The following RGS3 variants were observed in gnomAD, a reference collection of about 807,000 sequenced individuals.
RGS3 encodes the protein regulator of G protein signaling 3.
A neutral mutation model predicts 132.6 loss-of-function variants in RGS3; 80 were observed. The observed-to-expected ratio is 0.60, with a 90% CI of 0.50 to 0.73. RGS3 has a LOEUF of 0.73. Among genes scored for constraint, RGS3 ranks in the 30% least tolerant of loss-of-function variants. RGS3 has a pLI of 0.00. For missense variants in RGS3, 1,382 were observed against 1,530.8 expected, an observed-to-expected ratio of 0.90 and a Z score of 1.62; for synonymous variants, 598 against 620.6, an observed-to-expected ratio of 0.96 and a Z score of 0.54.
intron 19 of RGS3, among the ~76,000 whole-genome samples, chr9:113,546,911 C>T (rs1346405640): frequency 6.6e-6 from 1 of 152,162 alleles, no homozygotes; most frequent in African/African-American, 2.4e-5. Context: ...CACCGTGTGA[C>T]CTTGAGCAAA....
intron 7 of RGS3, among the ~76,000 whole-genome samples, chr9:113,492,502 GTGGCTCCT>G (rs1271891366): frequency 6.6e-6 from 1 of 152,190 alleles, no homozygotes; most frequent in Non-Finnish European, 1.5e-5. Flanking sequence ...CCTTAACGCT[GTGGCTCCT>G]TGCCCAGTGC....
At chr9:113,502,725 G>A (rs1830954803) in intron 10 of RGS3, among the ~76,000 whole-genome samples, 1 of 152,220 alleles carries the variant, frequency 6.6e-6, no homozygotes, top group Non-Finnish European at 1.5e-5. Flanking sequence ...GCAATTGTGG[G>A]CTGGACCTAG....
chr9:113,578,692 A>G (rs887054143), intron 19 of RGS3, among the ~76,000 whole-genome samples: 6 of 152,166 alleles, frequency 3.9e-5, no homozygotes, highest in African/African-American at 1.4e-4. Context: ...CCTGGAAGCT[A>G]GCATTGAGTC....
At chr9:113,448,686 G>A (rs545233679) in intron 1 of RGS3, among the ~76,000 whole-genome samples, 3 of 152,048 alleles carry the variant, frequency 2.0e-5, no homozygotes, top group African/African-American at 7.2e-5. Context: ...ATAAATATCC[G>A]GCACCTCACT....
rs147790178 is a variant in RGS3, at chr9:113,559,270, G to A, written c.2037+22352G>A. 7.9e-5 allele frequency among the ~76,000 whole-genome samples: 12 copies of A among 152,362 alleles called. No homozygotes were observed. The East Asian group carries it at 1.7e-3, about 22-fold the overall frequency. On this transcript the variant is annotated intron_variant, in intron 19 of 24. Transcript: ENST00000350696. ...GGAGCTGGCACAAGCACAGTGGGTCGAGGATTGCTCCCAAAAGCCCGAAGT... is the reference window on the plus strand; with the variant it reads ...GGAGCTGGCACAAGCACAGTGGGTCAAGGATTGCTCCCAAAAGCCCGAAGT...
chr9:113,556,074 C>T (rs942709601), intron 19 of RGS3, among the ~76,000 whole-genome samples: 6 of 152,144 alleles, frequency 3.9e-5, no homozygotes, highest in African/African-American at 7.2e-5. Context: ...CTAAGTGAAT[C>T]GTCCTTCTCT....
chr9:113,543,653 C>A (rs898513960), intron 19 of RGS3, among the ~76,000 whole-genome samples: 9 of 152,210 alleles, frequency 5.9e-5, no homozygotes, highest in African/African-American at 2.2e-4. Flanking sequence ...TCTGGGAAGG[C>A]AGCAAGCTCA....
At chr9:113,568,207 A>C (rs1411262790) in intron 19 of RGS3, among the ~76,000 whole-genome samples, 1 of 152,230 alleles carries the variant, frequency 6.6e-6, no homozygotes, top group Non-Finnish European at 1.5e-5. Context: ...TCTGTACTGC[A>C]CCAACTGGAT....
chr9:113,536,516 C>T, intron 18 of RGS3: 1 of 1,185,232 alleles, frequency 8.4e-7, no homozygotes, highest in Admixed American at 3.8e-5. Flanking sequence ...CGGCTCTGTC[C>T]TGCTCTCCAC....
At chr9:113,516,196 A>G (rs989506417) in intron 15 of RGS3, among the ~76,000 whole-genome samples, 1 of 152,190 alleles carries the variant, frequency 6.6e-6, no homozygotes, top group African/African-American at 2.4e-5. Context: ...ACTGTCCAGT[A>G]GGCACACTTT....
At chr9:113,551,320 C>A (rs1833330496) in intron 19 of RGS3, among the ~76,000 whole-genome samples, 1 of 152,202 alleles carries the variant, frequency 6.6e-6, no homozygotes, top group African/African-American at 2.4e-5. Flanking sequence ...CTTTTCATGG[C>A]TGAATAATAT....
At position 113,565,046 on chromosome 9, in the gene RGS3, C is replaced by G; in HGVS notation, c.2038-18404C>G. 2 of 1,130,522 alleles carry G rather than the reference C, an allele frequency of 1.8e-6. No homozygotes were observed. Among genetic ancestry groups the G allele is most frequent in the Non-Finnish European group, 2.2e-6 (2 of 911,144 alleles). 70.0% of individuals were successfully genotyped at this position (1,130,522 alleles called of 1,614,324 possible). On this transcript the variant is annotated intron_variant, in intron 19 of 24. Coordinates refer to ENST00000350696, the Ensembl canonical transcript of RGS3. The surrounding 1 kb of genome is among the most constrained non-coding windows in gnomAD (Gnocchi z 5.7). ...CAGGATGTGTGTGGGGTGGAGCCTG[C>G]TAGGGATCCCAGTGCCAGGGGGTGC...
intron 3 of RGS3, among the ~76,000 whole-genome samples, chr9:113,473,780 G>T (rs1276736334): frequency 6.6e-6 from 1 of 152,180 alleles, no homozygotes; most frequent in Non-Finnish European, 1.5e-5. Context: ...AGGAGTAAAA[G>T]AAATAAAAAG....
chr9:113,505,278 G>T, intron 10 of RGS3, 164 bp from the exon 9 acceptor site: 1 of 625,502 alleles, frequency 1.6e-6, no homozygotes, highest in Non-Finnish European at 2.9e-6. Flanking sequence ...CAAGTTGTCT[G>T]GGCTGAGATA....
At chr9:113,493,241 G>T (rs1481876747) in intron 7 of RGS3, among the ~76,000 whole-genome samples, 1 of 152,242 alleles carries the variant, frequency 6.6e-6, no homozygotes, top group Non-Finnish European at 1.5e-5. Flanking sequence ...CCAAGGGGGA[G>T]GAGTATTTGT....
At chr9:113,567,250 A>G (rs1346614947) in intron 19 of RGS3, among the ~76,000 whole-genome samples, 1 of 32,234 alleles carries the variant, frequency 3.1e-5, no homozygotes, top group African/African-American at 1.2e-4. Context: ...CTCCCCCTCC[A>G]TGTCTTATTT....
chr9:113,464,014 C>A (rs1232524019), intron 3 of RGS3, 133 bp downstream of exon 1: 3 of 917,322 alleles, frequency 3.3e-6, no homozygotes, highest in African/African-American at 1.7e-5. Context: ...TCTCTGGCCC[C>A]TTTCTCCTGT....
At chr9:113,533,520 C>T (rs966610624) in intron 18 of RGS3, among the ~76,000 whole-genome samples, 3 of 152,176 alleles carry the variant, frequency 2.0e-5, no homozygotes, top group African/African-American at 4.8e-5. Flanking sequence ...CATGAGCCAC[C>T]GTGCCCAGCT....
At chr9:113,485,017 G>A (rs2119231280) in intron 6 of RGS3, among the ~76,000 whole-genome samples, 1 of 151,800 alleles carries the variant, frequency 6.6e-6, no homozygotes, top group Middle Eastern at 3.4e-3. Context: ...ACCTTTTAAT[G>A]TGTATGTTTG....
Sources: allele counts gnomAD v4.1 joint callset (sites outside exome capture counted in the v4.1 genomes callset), GRCh38; gene constraint gnomAD v4.1.1; non-coding constraint Gnocchi (gnomAD v3.1); transcripts MANE v1.5; gene names NCBI Gene and HGNC (gene_info 2026-07-23, HGNC 2026-07-21).